Variants in CHCHD6 observed in about 807,000 individuals in gnomAD.
CHCHD6 encodes the protein MICOS complex subunit MIC25.
CHCHD6 carries 28 observed loss-of-function variants against 32.3 expected under a neutral mutation model. The observed-to-expected ratio is 0.87, with a 90% CI of 0.64 to 1.19. The LOEUF (loss-of-function observed/expected upper bound fraction) is 1.19, where lower values mean the gene tolerates loss of function less well. Among genes scored for constraint, CHCHD6 ranks in the 50% most tolerant of loss-of-function variants. The pLI, the probability that CHCHD6 is intolerant of heterozygous loss-of-function variation, is 0.00. For synonymous variants in CHCHD6, 122 were observed against 117.5 expected (o/e 1.04, Z -0.25); for missense variants, 333 against 307.0 (o/e 1.08, Z -0.63).
Position 126,771,368 on chromosome 3 carries a change from C to A in CHCHD6, c.411+38146C>A, listed in dbSNP as rs1209745533. On this transcript the variant is annotated intron_variant, in intron 4 of 7. Coordinates refer to ENST00000290913, the MANE Select transcript of CHCHD6 (RefSeq NM_032343.3). ...TACAGGCATGTACCACCACGCCCGG[C>A]TAATTTTTTGTATTTTAGTATAGAC... 2.0e-5 allele frequency among the ~76,000 whole-genome samples: 3 copies of A among 152,024 alleles called. 1 individual carries two copies. Among genetic ancestry groups the A allele is most frequent in the African/African-American group, 7.2e-5 (3 of 41,398 alleles).
chr3:126,957,257 G>A (rs947546270), intron 6 of CHCHD6, 159 bp from the exon 7 acceptor site: 57 of 800,964 alleles, frequency 7.1e-5, no homozygotes, highest in Admixed American at 7.0e-4. Context: ...TTTCTAGAAC[G>A]GGAAAGCACA....
rs76473369 is a variant in CHCHD6 at position 126,853,356 on chromosome 3, A to C, written c.495+626A>C. Reference sequence around the variant, plus strand: ...GTGGATCATGACAGATTTTTCAAAGAAATGGCTTAAAATGTGGGAGGGGAT... The same window carrying C: ...GTGGATCATGACAGATTTTTCAAAGCAATGGCTTAAAATGTGGGAGGGGAT... On this transcript the variant is annotated intron_variant, in intron 5 of 7. Transcript: ENST00000290913. 3.3e-3 allele frequency among the ~76,000 whole-genome samples: 506 copies of C among 152,174 alleles called. 4 individuals are homozygous for C. The highest frequency in any genetic ancestry group is 0.011 in the African/African-American group (475 of 41,510).
intron 5 of CHCHD6, among the ~76,000 whole-genome samples, chr3:126,857,208 G>A (rs1330518705): frequency 4.6e-5 from 7 of 152,166 alleles, no homozygotes; most frequent in Non-Finnish European, 1.5e-5. Context: ...ATGCCAGATG[G>A]GAGGATGCCC....
At chr3:126,761,309 G>A (rs1370068031) in intron 4 of CHCHD6, among the ~76,000 whole-genome samples, 1 of 152,012 alleles carries the variant, frequency 6.6e-6, no homozygotes, top group East Asian at 1.9e-4. Flanking sequence ...CTTTGTCTCT[G>A]TCTCCATCTT....
In CHCHD6 at chr3:126,957,193, T is replaced by C. The variant is rs923623777; in HGVS notation, c.567-223T>C. On this transcript the variant is annotated intron_variant, in intron 6 of 7. Transcript: ENST00000290913. ...CCACAGCATGTTTCAGTGTCTGCTA[T>C]ATTGTGAGCCTAAGCCACCCACCAC... 2.0e-5 allele frequency: 12 copies of C among 596,278 alleles called. No homozygotes were observed. The Admixed American group carries it at 3.2e-4, about 16-fold the overall frequency. 36.9% of individuals were successfully genotyped at this position (596,278 alleles called of 1,614,324 possible).
At chr3:126,925,798 G>A (rs1293067039) in intron 6 of CHCHD6, among the ~76,000 whole-genome samples, 7 of 152,178 alleles carry the variant, frequency 4.6e-5, no homozygotes, top group Admixed American at 3.3e-4. Context: ...AGAGAGCCAC[G>A]GAGGGCCTGG....
chr3:126,936,443 T>C (rs953175113), intron 6 of CHCHD6, among the ~76,000 whole-genome samples: 4 of 152,218 alleles, frequency 2.6e-5, no homozygotes, highest in African/African-American at 4.8e-5. Flanking sequence ...AAAATACATA[T>C]TGGATTTCAA....
At chr3:126,926,567 G>C (rs925301825) in intron 6 of CHCHD6, among the ~76,000 whole-genome samples, 1 of 152,108 alleles carries the variant, frequency 6.6e-6, no homozygotes, top group Non-Finnish European at 1.5e-5. Context: ...ACTCAGTTGG[G>C]CCTCTCTTCC....
intron 4 of CHCHD6, among the ~76,000 whole-genome samples, chr3:126,774,529 A>G (rs1322568156): frequency 1.3e-5 from 2 of 152,170 alleles, no homozygotes; most frequent in African/African-American, 4.8e-5. Flanking sequence ...CGTGCTCCCC[A>G]CTAGGCCTTT....
chr3:126,856,965 T>C (rs1434065248), intron 5 of CHCHD6, among the ~76,000 whole-genome samples: 1 of 152,216 alleles, frequency 6.6e-6, no homozygotes, highest in Non-Finnish European at 1.5e-5. Context: ...TGTTTTGGGG[T>C]GAGTGGTAGT....
At chr3:126,783,757 G>C (rs1288315764) in intron 4 of CHCHD6, among the ~76,000 whole-genome samples, 2 of 149,414 alleles carry the variant, frequency 1.3e-5, no homozygotes, top group East Asian at 1.9e-4. Flanking sequence ...AGGCCTTTTT[G>C]ATCAGCAGCT....
At chr3:126,773,602 CTTT>C (rs769256372) in intron 4 of CHCHD6, among the ~76,000 whole-genome samples, 4 of 89,948 alleles carry the variant, frequency 4.4e-5, no homozygotes, top group African/African-American at 1.3e-4. Flanking sequence ...TTCTGCTTTT[CTTT>C]TTTTTTTTTT....
intron 1 of CHCHD6, among the ~76,000 whole-genome samples, chr3:126,713,801 G>A (rs1934872882): frequency 6.6e-6 from 1 of 152,156 alleles, no homozygotes; most frequent in Admixed American, 6.5e-5. Flanking sequence ...CTCAAACTAT[G>A]ACTCCAGAAA....
At chr3:126,737,115 GT>G (rs1354779095) in intron 4 of CHCHD6, among the ~76,000 whole-genome samples, 1 of 152,044 alleles carries the variant, frequency 6.6e-6, no homozygotes, top group African/African-American at 2.4e-5. Flanking sequence ...GAGGTCAGGA[GT>G]TCGAGACCAG....
intron 4 of CHCHD6, among the ~76,000 whole-genome samples, chr3:126,801,386 G>A (rs1216263061): frequency 2.6e-5 from 4 of 152,224 alleles, no homozygotes; most frequent in Non-Finnish European, 4.4e-5. Flanking sequence ...ATGGGCTTAG[G>A]AAATGGCGCA....
chr3:126,917,973 C>G (rs1456306388), intron 6 of CHCHD6, among the ~76,000 whole-genome samples: 1 of 152,196 alleles, frequency 6.6e-6, no homozygotes, highest in Non-Finnish European at 1.5e-5. Context: ...CTATAGTACT[C>G]TATTATAGCA....
chr3:126,782,014 G>A (rs1937967335), intron 4 of CHCHD6, among the ~76,000 whole-genome samples: 1 of 152,166 alleles, frequency 6.6e-6, no homozygotes, highest in Non-Finnish European at 1.5e-5. Flanking sequence ...CCAGTCAGAG[G>A]AGTTGGCGGG....
intron 1 of CHCHD6, among the ~76,000 whole-genome samples, chr3:126,719,241 C>G (rs1045490246): frequency 2.0e-5 from 3 of 152,232 alleles, no homozygotes; most frequent in Non-Finnish European, 4.4e-5. Context: ...ATGCCAGACT[C>G]AGTCCTTCTC....
intron 4 of CHCHD6, among the ~76,000 whole-genome samples, chr3:126,734,066 G>A: frequency 6.6e-6 from 1 of 152,168 alleles, no homozygotes; most frequent in African/African-American, 2.4e-5. Flanking sequence ...AGGCTGTGCC[G>A]ACCCTTGTGT....
Sources: allele counts gnomAD v4.1 joint callset (sites outside exome capture counted in the v4.1 genomes callset), GRCh38; gene constraint gnomAD v4.1.1; transcripts MANE v1.5; gene names NCBI Gene and HGNC (gene_info 2026-07-23, HGNC 2026-07-21).